Variants in MAMDC2 observed in about 807,000 individuals in gnomAD.
The protein encoded by MAMDC2 is MAM domain containing 2.
A neutral mutation model predicts 89.8 loss-of-function variants in MAMDC2; 57 were observed. The ratio of observed to expected loss-of-function variants is 0.63; its 90% confidence interval spans 0.51 to 0.79. The LOEUF (loss-of-function observed/expected upper bound fraction) is 0.79, where lower values mean the gene tolerates loss of function less well. Ranked by LOEUF, MAMDC2 falls within the 30% of genes least tolerant of loss-of-function variation. The probability of loss-of-function intolerance (pLI) is 0.00; values close to 1 mark genes in which losing one functional copy is unlikely to be tolerated. For missense variants in MAMDC2, 800 were observed against 820.6 expected (o/e 0.97, Z 0.31); for synonymous variants, 313 against 293.4 (o/e 1.07, Z -0.68).
At chr9:70,184,644 G>T (rs766202286) in intron 11 of MAMDC2, among the ~76,000 whole-genome samples, 9 of 151,388 alleles carry the variant, frequency 5.9e-5, no homozygotes, top group Non-Finnish European at 1.2e-4. Flanking sequence ...CTCAATTTCT[G>T]ATATTCTTTC....
intron 2 of MAMDC2, among the ~76,000 whole-genome samples, chr9:70,061,302 A>G (rs572847426): frequency 6.6e-6 from 1 of 152,192 alleles, no homozygotes. Flanking sequence ...TGTTGGTTAA[A>G]TGGTGTCTGC....
At chr9:70,139,119 TTTA>T (rs910085982) in intron 7 of MAMDC2, among the ~76,000 whole-genome samples, 54 of 151,126 alleles carry the variant, frequency 3.6e-4, no homozygotes, top group South Asian at 1.0e-3. Flanking sequence ...TTTTTATTTA[TTTA>T]TTATTATTAT....
At chr9:70,095,702 C>T (rs933055226) in intron 2 of MAMDC2, among the ~76,000 whole-genome samples, 4 of 152,170 alleles carry the variant, frequency 2.6e-5, no homozygotes, top group Non-Finnish European at 4.4e-5. Flanking sequence ...TGGGAATTAC[C>T]TCTGTATAAA....
chr9:70,191,599 T>A (rs1408137494), intron 11 of MAMDC2, among the ~76,000 whole-genome samples: 1 of 151,420 alleles, frequency 6.6e-6, no homozygotes, highest in Non-Finnish European at 1.5e-5. Flanking sequence ...CTAGAGAGAG[T>A]TCAACCTGTT....
chr9:70,057,370 A>G (rs1827046019), intron 2 of MAMDC2, among the ~76,000 whole-genome samples: 1 of 152,182 alleles, frequency 6.6e-6, no homozygotes, highest in South Asian at 2.1e-4. Flanking sequence ...AGCTTTTGAG[A>G]GAGGATGAGG....
chr9:70,191,716 C>T (rs1379083896), intron 11 of MAMDC2, among the ~76,000 whole-genome samples: 4 of 152,048 alleles, frequency 2.6e-5, no homozygotes, highest in Non-Finnish European at 4.4e-5. Context: ...CTGCTTCTAC[C>T]CTAAACCTAG....
Position 70,140,128 on chromosome 9 carries a change from G to T in MAMDC2, c.995-17G>T, listed in dbSNP as rs2031159307. On this transcript the variant is annotated splice_polypyrimidine_tract_variant and intron_variant, in intron 7 of 13. Transcript: ENST00000377182. ...GATCTTTGGGACTGTCATTAACTTT[G>T]CTTGTCCTTTGCTCAGAACTTCTGT... 2 of 1,547,730 alleles carry T rather than the reference G, an allele frequency of 1.3e-6. No individual in the cohort carries two copies. The highest frequency in any genetic ancestry group is 2.4e-5 in the Admixed American group (1 of 42,540).
rs755304556 is a variant in MAMDC2, at chr9:70,159,047, TACACAC to T, written c.1405-9628_1405-9623del. On this transcript the variant is annotated intron_variant, in intron 9 of 13. Coordinates refer to ENST00000377182, the MANE Select transcript of MAMDC2 (RefSeq NM_153267.5). The stretch of plus-strand genomic sequence containing the variant: ...TAAACATATATGTGTGCATGCATAA[TACACAC>T]ACACACACACACACACACACACACA... Among the ~76,000 whole-genome samples, 754 of 145,134 alleles carry T rather than the reference TACACAC, an allele frequency of 5.2e-3. 3 individuals carry two copies. Among genetic ancestry groups the T allele is most frequent in the African/African-American group, 0.011 (428 of 39,764 alleles).
chr9:70,158,879 G>A (rs770491426), intron 9 of MAMDC2, among the ~76,000 whole-genome samples: 7 of 152,040 alleles, frequency 4.6e-5, no homozygotes, highest in African/African-American at 1.2e-4. Flanking sequence ...ACAATGGTAA[G>A]TATTTTTGTA....
intron 2 of MAMDC2, among the ~76,000 whole-genome samples, chr9:70,082,298 C>T (rs973002638): frequency 2.6e-5 from 4 of 152,028 alleles, no homozygotes; most frequent in African/African-American, 9.7e-5. Flanking sequence ...TGCTGGGGAG[C>T]TCAGATAAGA....
chr9:70,140,347 A>G (rs1290467776), intron 8 of MAMDC2, 59 bp downstream of exon 8: 6 of 1,511,010 alleles, frequency 4.0e-6, no homozygotes, highest in Admixed American at 2.6e-5. Flanking sequence ...TTTATTGGCC[A>G]TTCCTACTTC....
chr9:70,211,955 T>C (rs139503540), intron 11 of MAMDC2, among the ~76,000 whole-genome samples: 4,916 of 152,322 alleles, frequency 0.032, 268 homozygotes, highest in African/African-American at 0.11. Context: ...TATTGCAGAA[T>C]GGCAGATGTT....
At chr9:70,143,845 G>A (rs2031308874) in intron 9 of MAMDC2, 26 bp downstream of exon 9, 1 of 1,605,510 alleles carries the variant, frequency 6.2e-7, no homozygotes, top group African/African-American at 1.3e-5. Context: ...TTTCTCCTGT[G>A]TCCATGTTCA....
chr9:70,138,052 C>G (rs968467340), intron 7 of MAMDC2, among the ~76,000 whole-genome samples: 2 of 152,120 alleles, frequency 1.3e-5, no homozygotes, highest in African/African-American at 2.4e-5. Flanking sequence ...TTCCATACCC[C>G]CTCCTACTCC....
intron 5 of MAMDC2, among the ~76,000 whole-genome samples, 193 bp downstream of exon 5, chr9:70,113,325 C>T (rs558317804): frequency 6.6e-6 from 1 of 152,312 alleles, no homozygotes; most frequent in Admixed American, 6.5e-5. Context: ...TAGAGACAAA[C>T]TGCAGCTGTG....
At chr9:70,206,598 G>C (rs566236098) in intron 11 of MAMDC2, among the ~76,000 whole-genome samples, 5 of 152,100 alleles carry the variant, frequency 3.3e-5, no homozygotes, top group African/African-American at 1.2e-4. Context: ...CAACATAGGA[G>C]ACTTTGTTTC....
chr9:70,199,173 C>A (rs1348718516), intron 11 of MAMDC2, among the ~76,000 whole-genome samples: 2 of 134,754 alleles, frequency 1.5e-5, no homozygotes. Flanking sequence ...CGTCATCTAG[C>A]ATTAGGTATA....
At chr9:70,130,445 ATT>A (rs879713497) in intron 6 of MAMDC2, among the ~76,000 whole-genome samples, 2,358 of 152,284 alleles carry the variant, frequency 0.015, 30 homozygotes, top group Non-Finnish European at 0.023. Flanking sequence ...TTCTCAGGTT[ATT>A]AACTCACACA....
chr9:70,147,404 G>A (rs1250424188), intron 9 of MAMDC2, among the ~76,000 whole-genome samples: 1 of 149,926 alleles, frequency 6.7e-6, no homozygotes, highest in Non-Finnish European at 1.5e-5. Flanking sequence ...CCTTAGCTGT[G>A]TTGGCTGACT....
Sources: gnomAD v4.1 joint callset for allele counts (sites outside exome capture counted in the v4.1 genomes callset) on GRCh38, gnomAD v4.1.1 for gene constraint, MANE v1.5 for transcripts, NCBI Gene and HGNC (gene_info 2026-07-23, HGNC 2026-07-21) for gene names.